The following NDUFA5 variants were observed in gnomAD, a reference collection of about 807,000 sequenced individuals.
NDUFA5 encodes the protein NADH dehydrogenase [ubiquinone] 1 alpha subcomplex subunit 5.
Under a neutral mutation model 19.8 loss-of-function variants are expected in NDUFA5, and 11 were observed. That is an observed-to-expected ratio of 0.56 (90% CI 0.35 to 0.92). The LOEUF (loss-of-function observed/expected upper bound fraction) is 0.92. Among genes scored for constraint, NDUFA5 ranks in the 40% least tolerant of loss-of-function variants. The probability of loss-of-function intolerance (pLI) is 0.01; values close to 1 mark genes in which losing one functional copy is unlikely to be tolerated. For synonymous variants in NDUFA5, 47 were observed against 46.8 expected (o/e 1.00, Z -0.01); for missense variants, 109 against 134.2 (o/e 0.81, Z 0.93).
At chr7:123,542,876 C>T (rs1797991388) in intron 4 of NDUFA5, among the ~76,000 whole-genome samples, 1 of 152,120 alleles carries the variant, frequency 6.6e-6, no homozygotes, top group South Asian at 2.1e-4. Flanking sequence ...ATATTTAACA[C>T]ACACATTTTA....
upstream of NDUFA5, chr7:123,558,127 G>A: frequency 2.1e-6 from 1 of 471,342 alleles, no homozygotes. Flanking sequence ...GTCGCTGTAG[G>A]AACCTGCACT....
chr7:123,543,568 T>C (rs1268368265), intron 4 of NDUFA5, among the ~76,000 whole-genome samples: 1 of 152,178 alleles, frequency 6.6e-6, no homozygotes, highest in African/African-American at 2.4e-5. Flanking sequence ...ATTTTTATGA[T>C]TATATTTAAA....
At chr7:123,572,183 C>G in the NDUFA5 span, among the ~76,000 whole-genome samples, 2 of 110,654 alleles carry the variant, frequency 1.8e-5, no homozygotes, top group African/African-American at 3.5e-5. Flanking sequence ...CACTCTGTCA[C>G]TAGGCTGGAG....
At chr7:123,589,994 T>A in the NDUFA5 span, among the ~76,000 whole-genome samples, 3 of 152,202 alleles carry the variant, frequency 2.0e-5, no homozygotes, top group African/African-American at 4.8e-5. Flanking sequence ...GTTTCCTGAA[T>A]TTTTAATGAT....
In NDUFA5 at chr7:123,539,754, A is replaced by C. The variant is rs1797865596; in HGVS notation, c.*2365T>G. On this transcript the variant is annotated 3_prime_UTR_variant, in exon 5 of 5. Coordinates refer to ENST00000355749, the MANE Select transcript of NDUFA5 (RefSeq NM_005000.5). ...AAATTGCAATACCTTTTAGATACCTATCCCATTAACATAATCTGCCTATAA... is the reference window on the plus strand; with the variant it reads ...AAATTGCAATACCTTTTAGATACCTCTCCCATTAACATAATCTGCCTATAA... The C allele has an allele frequency of 6.6e-6, 1 of 152,220 alleles. No individual in the cohort carries two copies. 9.4% of individuals were successfully genotyped at this position (152,220 alleles called of 1,614,324 possible).
the NDUFA5 span, among the ~76,000 whole-genome samples, chr7:123,581,601 A>T: frequency 6.6e-6 from 1 of 151,880 alleles, no homozygotes; most frequent in African/African-American, 2.4e-5. Flanking sequence ...CTTTCGGTTA[A>T]ACTGATATAC....
chr7:123,568,080 C>A, the NDUFA5 span, among the ~76,000 whole-genome samples: 40 of 152,190 alleles, frequency 2.6e-4, no homozygotes, highest in East Asian at 7.7e-3. Flanking sequence ...AATAAAAGCG[C>A]CATTACCCAG....
At chr7:123,557,631 T>A (rs1193696600) in intron 1 of NDUFA5, 144 bp downstream of exon 1, 2 of 1,613,500 alleles carry the variant, frequency 1.2e-6, no homozygotes, top group East Asian at 4.5e-5. Context: ...TAACCTGCCC[T>A]ACCCGGTAAG....
intron 4 of NDUFA5, among the ~76,000 whole-genome samples, chr7:123,545,012 A>G (rs1377974389): frequency 6.6e-6 from 1 of 151,974 alleles, no homozygotes; most frequent in African/African-American, 2.4e-5. Context: ...TTCCCAATAG[A>G]ATAATTTAAG....
At chr7:123,563,535 AT>A in the NDUFA5 span, among the ~76,000 whole-genome samples, 1 of 152,220 alleles carries the variant, frequency 6.6e-6, no homozygotes, top group Non-Finnish European at 1.5e-5. Flanking sequence ...ACAGATCACC[AT>A]AATAGATAAG....
the NDUFA5 span, among the ~76,000 whole-genome samples, chr7:123,599,202 T>C: frequency 6.6e-6 from 1 of 152,058 alleles, no homozygotes; most frequent in East Asian, 1.9e-4. Flanking sequence ...ACATGGGTAT[T>C]GCTTACTAAA....
the NDUFA5 span, among the ~76,000 whole-genome samples, chr7:123,584,459 C>T: frequency 6.6e-6 from 1 of 151,902 alleles, no homozygotes; most frequent in East Asian, 1.9e-4. Context: ...CTAAGAACAA[C>T]TGCTCTATGG....
At chr7:123,600,375 C>A in the NDUFA5 span, among the ~76,000 whole-genome samples, 1 of 152,022 alleles carries the variant, frequency 6.6e-6, no homozygotes, top group Admixed American at 6.6e-5. Flanking sequence ...AACAGGCATA[C>A]CATCATTAGT....
At chr7:123,582,655 T>C in the NDUFA5 span, among the ~76,000 whole-genome samples, 1 of 152,008 alleles carries the variant, frequency 6.6e-6, no homozygotes, top group East Asian at 1.9e-4. Context: ...TTATACATTA[T>C]CTCGAAAACT....
chr7:123,561,231 T>C (rs1358216613), upstream of NDUFA5, among the ~76,000 whole-genome samples: 1 of 152,230 alleles, frequency 6.6e-6, no homozygotes, highest in Non-Finnish European at 1.5e-5. Context: ...ACAGAAGAAC[T>C]CTCAAAATTG....
the NDUFA5 span, among the ~76,000 whole-genome samples, chr7:123,569,689 C>T: frequency 6.6e-6 from 1 of 152,204 alleles, no homozygotes; most frequent in South Asian, 2.1e-4. Context: ...CACAGTAGCA[C>T]AAGGCCAGTA....
chr7:123,572,905 T>C, the NDUFA5 span, among the ~76,000 whole-genome samples: 1 of 152,132 alleles, frequency 6.6e-6, no homozygotes, highest in East Asian at 1.9e-4. Context: ...GTTGACATTT[T>C]TCTTTTTTCT....
At chr7:123,556,972 T>C (rs1025542241) in intron 2 of NDUFA5, 3 of 447,416 alleles carry the variant, frequency 6.7e-6, no homozygotes, top group African/African-American at 4.1e-5. Flanking sequence ...TGTGGGTTTT[T>C]TTGATGAAAA....
At chr7:123,592,788 A>T in the NDUFA5 span, among the ~76,000 whole-genome samples, 1 of 151,954 alleles carries the variant, frequency 6.6e-6, no homozygotes, top group Non-Finnish European at 1.5e-5. Context: ...AGTTCTGTAG[A>T]TGTGCATTAC....
Sources: gnomAD v4.1 joint callset for allele counts (sites outside exome capture counted in the v4.1 genomes callset) on GRCh38, gnomAD v4.1.1 for gene constraint, MANE v1.5 for transcripts, NCBI Gene and HGNC (gene_info 2026-07-23, HGNC 2026-07-21) for gene names.